UPRT: variants seen among roughly 807,000 people sequenced by gnomAD.
UPRT encodes RP11-311P8.3.
In UPRT, 5 loss-of-function variants were observed where a neutral mutation model predicts 22.6. That is an observed-to-expected ratio of 0.22 (90% CI 0.12 to 0.47). The LOEUF (loss-of-function observed/expected upper bound fraction) is 0.47, where lower values mean the gene tolerates loss of function less well. Among genes scored for constraint, UPRT ranks in the 20% least tolerant of loss-of-function variants. The probability of loss-of-function intolerance (pLI) is 0.99; values close to 1 mark genes in which losing one functional copy is unlikely to be tolerated. For missense variants in UPRT, 181 were observed against 239.9 expected, an observed-to-expected ratio of 0.75 and a Z score of 1.62; for synonymous variants, 77 against 87.7, an observed-to-expected ratio of 0.88 and a Z score of 0.68.
At chrX:75,271,323 C>T (rs754014152), upstream of UPRT, among the ~76,000 whole-genome samples, 31 of 111,798 alleles carry the variant, frequency 2.8e-4, no homozygotes, top group Non-Finnish European at 5.3e-4. Flanking sequence ...TGGAACAAAA[C>T]ACAAAATCAG....
At chrX:75,157,824 T>G (rs1031332475) in intron 1 of UPRT, among the ~76,000 whole-genome samples, 2 of 112,368 alleles carry the variant, frequency 1.8e-5, no homozygotes, top group African/African-American at 6.5e-5. Flanking sequence ...TAATTGGATG[T>G]TTCTAGCTTA....
intron 4 of UPRT, among the ~76,000 whole-genome samples, chrX:75,229,338 G>A (rs6647667): frequency 0.032 from 3,568 of 111,678 alleles, 147 homozygotes; most frequent in African/African-American, 0.11. Context: ...TAAACAAACA[G>A]TAACAGGATC....
chrX:75,224,510 G>A (rs749902590), intron 4 of UPRT, among the ~76,000 whole-genome samples: 1 of 110,482 alleles, frequency 9.1e-6, no homozygotes, highest in Non-Finnish European at 1.9e-5. Context: ...TCCTCAGGAG[G>A]GCAAAGTTTT....
chrX:75,235,283 A>T (rs2082457494), intron 4 of UPRT, among the ~76,000 whole-genome samples: 1 of 111,743 alleles, frequency 8.9e-6, no homozygotes, highest in Non-Finnish European at 1.9e-5. Context: ...TCTGACATTG[A>T]GGCAATAATC....
At chrX:75,205,647 T>C (rs1456603402) in intron 4 of UPRT, among the ~76,000 whole-genome samples, 2 of 111,454 alleles carry the variant, frequency 1.8e-5, no homozygotes, top group Non-Finnish European at 3.8e-5. Context: ...GATAACCTGG[T>C]TAGGACCCAT....
chrX:75,263,792 T>A (rs2082577167), intron 4 of UPRT, among the ~76,000 whole-genome samples: 1 of 111,155 alleles, frequency 9.0e-6, no homozygotes, highest in South Asian at 3.9e-4. Context: ...CTTCTCTAGT[T>A]CTCTTAATTG....
rs1297097468 is a variant in UPRT at position 75,274,209 on chromosome X, T to C, written c.-46T>C. ...TCTGTCCTTTCTACCCGTTCCTCTT[T>C]ATCTTTAGTGTTCAGTAGCAGCGGG... is the stretch of plus-strand genomic sequence containing the variant. On this transcript the variant is annotated 5_prime_UTR_variant, in exon 1 of 7. Transcript: ENST00000373383. 4.3e-6 allele frequency: 5 copies of C among 1,160,818 alleles called. No individual in the cohort carries two copies. Among genetic ancestry groups the C allele is most frequent in the Admixed American group, 2.5e-5 (1 of 39,499 alleles).
intron 4 of UPRT, among the ~76,000 whole-genome samples, chrX:75,212,983 G>A (rs748084080): frequency 8.9e-6 from 1 of 112,418 alleles, no homozygotes; most frequent in South Asian, 3.7e-4. Context: ...AGTTGGCTAG[G>A]TTTACATTTT....
chrX:75,194,662 C>A (rs767690958), intron 4 of UPRT, among the ~76,000 whole-genome samples: 1 of 110,639 alleles, frequency 9.0e-6, no homozygotes, highest in African/African-American at 3.3e-5. Flanking sequence ...CTATGAGTGC[C>A]CTTTGAGCAT....
intron 1 of UPRT, among the ~76,000 whole-genome samples, chrX:75,156,926 C>CACACACACAG (rs748263766): frequency 0.013 from 1,402 of 108,951 alleles, 23 homozygotes; most frequent in African/African-American, 0.045. Context: ...CACACACACA[C>CACACACACAG]AGAGAGACTA....
chrX:75,298,131 A>G (rs1460144096), intron 4 of UPRT, among the ~76,000 whole-genome samples: 2 of 108,451 alleles, frequency 1.8e-5, no homozygotes, highest in African/African-American at 6.7e-5. Context: ...GGCACATGCC[A>G]CTATACCTAG....
chrX:75,274,687 C>A (rs776721727), intron 1 of UPRT, 47 bp downstream of exon 1: 34 of 1,134,364 alleles, frequency 3.0e-5, no homozygotes, highest in Non-Finnish European at 4.0e-5. Context: ...GTCTTGCAGG[C>A]TGTGGGCGGG....
At chrX:75,246,083 T>C (rs1192841739) in intron 4 of UPRT, among the ~76,000 whole-genome samples, 2 of 111,583 alleles carry the variant, frequency 1.8e-5, no homozygotes, top group African/African-American at 6.5e-5. Flanking sequence ...ATATTTTAAA[T>C]TAATTGTTTT....
At chrX:75,234,144 T>C (rs2082450628) in intron 4 of UPRT, among the ~76,000 whole-genome samples, 1 of 110,485 alleles carries the variant, frequency 9.1e-6, no homozygotes, top group South Asian at 3.9e-4. Context: ...TCCTAGTCTC[T>C]GATAAAACAG....
intron 4 of UPRT, among the ~76,000 whole-genome samples, chrX:75,200,936 G>A (rs2082345602): frequency 8.9e-6 from 1 of 111,909 alleles, no homozygotes; most frequent in South Asian, 3.7e-4. Context: ...GAAATAGTGA[G>A]ACCCTGTTTC....
rs1320782470 is a variant in UPRT at position 75,158,352 on chromosome X, A to G, written c.-737+1802A>G. ...ATAAAAGCTGCTATAAATAGCTGCT[A>G]CAACCACAGATCACATGATAGCACT... On this transcript the variant is annotated intron_variant, in intron 1 of 13. Coordinates refer to the UPRT transcript ENST00000652605. 2.7e-5 allele frequency among the ~76,000 whole-genome samples: 3 copies of G among 112,670 alleles called. No homozygotes were observed. In the East Asian group the frequency reaches 8.3e-4, roughly 31 times the overall value.
At chrX:75,260,161 T>C (rs1418898202) in intron 4 of UPRT, among the ~76,000 whole-genome samples, 2 of 111,985 alleles carry the variant, frequency 1.8e-5, no homozygotes, top group African/African-American at 6.5e-5. Context: ...CATGCCAAAT[T>C]GTAAAGACAA....
intron 4 of UPRT, among the ~76,000 whole-genome samples, chrX:75,298,651 C>T (rs1282584422): frequency 1.8e-5 from 2 of 112,203 alleles, no homozygotes; most frequent in Non-Finnish European, 3.8e-5. Context: ...TGTTTGTGAA[C>T]AATTAAATGC....
chrX:75,217,717 C>G (rs937873006), intron 4 of UPRT, among the ~76,000 whole-genome samples: 1 of 111,728 alleles, frequency 9.0e-6, no homozygotes, highest in African/African-American at 3.3e-5. Context: ...GAACAGAGCC[C>G]TCAGAAATAA....
Sources: gnomAD v4.1 joint callset for allele counts (sites outside exome capture counted in the v4.1 genomes callset) on GRCh38, gnomAD v4.1.1 for gene constraint, MANE v1.5 for transcripts, NCBI Gene and HGNC (gene_info 2026-07-23, HGNC 2026-07-21) for gene names.